The following MCC variants were observed in gnomAD, a reference collection of about 807,000 sequenced individuals.
MCC encodes the protein MCC regulator of Wnt signaling pathway, also known as colorectal mutant cancer protein.
A neutral mutation model predicts 116.2 loss-of-function variants in MCC; 90 were observed. The observed-to-expected ratio is 0.77, with a 90% CI of 0.65 to 0.92. MCC has a LOEUF of 0.92. Ranked by LOEUF, MCC falls within the 40% of genes least tolerant of loss-of-function variation. MCC has a pLI of 0.00. For missense variants in MCC, 1,516 were observed against 1,312.2 expected (o/e 1.16, Z -2.40); for synonymous variants, 578 against 510.5 (o/e 1.13, Z -1.78).
intron 1 of MCC, among the ~76,000 whole-genome samples, chr5:113,483,863 TA>T (rs963838245): frequency 1.5e-4 from 22 of 148,232 alleles, no homozygotes; most frequent in Non-Finnish European, 2.1e-4. Flanking sequence ...TACACAGTCA[TA>T]AAAAAAAAAC....
intron 1 of MCC, among the ~76,000 whole-genome samples, chr5:113,467,189 T>C (rs1771934527): frequency 6.6e-6 from 1 of 152,004 alleles, no homozygotes; most frequent in South Asian, 2.1e-4. Context: ...TTCAGTTTAA[T>C]TAGATCCCAT....
rs145006732 is a variant in MCC, at chr5:113,305,520, T to C, written c.627+34999A>G. Among the ~76,000 whole-genome samples, 12 of 152,332 alleles carry C rather than the reference T, an allele frequency of 7.9e-5. No homozygotes were observed. The East Asian group carries it at 2.3e-3, about 29-fold the overall frequency. On this transcript the variant is annotated intron_variant, in intron 3 of 18. Transcript: ENST00000408903. Reference sequence around the variant, plus strand: ...AATCATAGTTTCCAGTCTAATAAGTTTGGAGTCATTTTCAGTTCCCCTTCC... The same window carrying C: ...AATCATAGTTTCCAGTCTAATAAGTCTGGAGTCATTTTCAGTTCCCCTTCC...
intron 3 of MCC, among the ~76,000 whole-genome samples, chr5:113,290,669 G>C (rs1004836386): frequency 3.9e-5 from 6 of 152,146 alleles, no homozygotes; most frequent in Non-Finnish European, 5.9e-5. Flanking sequence ...GACCAATAGA[G>C]CTAACTGCTG....
At chr5:113,395,327 AT>A (rs1405423517) in intron 1 of MCC, among the ~76,000 whole-genome samples, 23 of 152,220 alleles carry the variant, frequency 1.5e-4, no homozygotes, top group African/African-American at 5.1e-4. Context: ...GTATATATGT[AT>A]GAAAGGAAAA....
intron 6 of MCC, among the ~76,000 whole-genome samples, chr5:113,108,780 A>G (rs1756908011): frequency 6.6e-6 from 1 of 152,142 alleles, no homozygotes; most frequent in Non-Finnish European, 1.5e-5. Context: ...CTTCAAACCA[A>G]TGAGGGCTAC....
rs910285847 is a variant in MCC at position 113,082,734 on chromosome 5, C to T, written c.1784+126G>A. The stretch of plus-strand genomic sequence containing the variant: ...CCAAGGTGGTAGGAACTTCCATCCC[C>T]ACCAGCCTGACGGTACTGCTCTATG... On this transcript the variant is annotated intron_variant, in intron 11 of 18. Transcript: ENST00000408903. 9.4e-6 allele frequency: 11 copies of T among 1,170,618 alleles called. No homozygotes were observed. In the African/African-American group the frequency reaches 1.5e-4, roughly 16 times the overall value. 72.5% of individuals were successfully genotyped at this position (1,170,618 alleles called of 1,614,324 possible).
chr5:113,235,564 A>T (rs1413570794), intron 3 of MCC, among the ~76,000 whole-genome samples: 2 of 152,212 alleles, frequency 1.3e-5, no homozygotes, highest in Non-Finnish European at 2.9e-5. Flanking sequence ...ACACAAATAA[A>T]ATGGTGAATG....
chr5:113,300,062 G>A (rs1240560817), intron 3 of MCC, among the ~76,000 whole-genome samples: 1 of 152,180 alleles, frequency 6.6e-6, no homozygotes, highest in East Asian at 1.9e-4. Flanking sequence ...CCTTTCTGCT[G>A]TTAGAGCAGT....
intron 3 of MCC, among the ~76,000 whole-genome samples, chr5:113,250,437 G>A (rs974073474): frequency 6.6e-6 from 1 of 152,214 alleles, no homozygotes; most frequent in African/African-American, 2.4e-5. Context: ...GGCAGAGCTG[G>A]GGTTAGAACC....
At chr5:113,427,875 CCT>C (rs1247172828) in intron 1 of MCC, among the ~76,000 whole-genome samples, 4 of 152,084 alleles carry the variant, frequency 2.6e-5, no homozygotes, top group African/African-American at 4.8e-5. Context: ...ATCTTCATAA[CCT>C]CTCTGCTAAT....
intron 13 of MCC, among the ~76,000 whole-genome samples, chr5:113,065,572 G>C (rs1475814146): frequency 2.6e-5 from 4 of 152,148 alleles, no homozygotes; most frequent in African/African-American, 7.2e-5. Flanking sequence ...CACACTCAGA[G>C]TCCCACCCTC....
At chr5:113,212,719 C>T (rs1763177556) in intron 3 of MCC, among the ~76,000 whole-genome samples, 2 of 152,144 alleles carry the variant, frequency 1.3e-5, no homozygotes, top group South Asian at 4.1e-4. Context: ...ATTCACTCCC[C>T]AACACCTAAA....
chr5:113,385,898 C>A (rs1769243113), intron 1 of MCC, among the ~76,000 whole-genome samples: 1 of 152,018 alleles, frequency 6.6e-6, no homozygotes, highest in Admixed American at 6.5e-5. Context: ...GATAAGAGGG[C>A]TTGGTGGGGT....
intron 3 of MCC, among the ~76,000 whole-genome samples, chr5:113,225,572 T>TTAA (rs1267932479): frequency 6.6e-6 from 1 of 152,186 alleles, no homozygotes; most frequent in Admixed American, 6.5e-5. Flanking sequence ...CAGCCTGAAC[T>TTAA]TAAAGAGTAC....
intron 3 of MCC, chr5:113,294,987 C>T (rs1027707064): frequency 2.5e-5 from 25 of 984,584 alleles, no homozygotes; most frequent in Non-Finnish European, 2.9e-5. Context: ...CCACGGGGTG[C>T]GCGGAGGAGG....
chr5:113,262,703 A>G (rs1161389443), intron 3 of MCC, among the ~76,000 whole-genome samples: 1 of 152,186 alleles, frequency 6.6e-6, no homozygotes, highest in African/African-American at 2.4e-5. Flanking sequence ...GGACTAAACA[A>G]GTGATTCTCA....
At chr5:113,049,698 A>G (rs756506495) in intron 15 of MCC, among the ~76,000 whole-genome samples, 8 of 152,208 alleles carry the variant, frequency 5.3e-5, no homozygotes, top group Non-Finnish European at 8.8e-5. Context: ...TCACCTATCC[A>G]TGGAAGGCCT....
At chr5:113,032,495 CAT>C (rs1396363775) in intron 17 of MCC, among the ~76,000 whole-genome samples, 1 of 150,308 alleles carries the variant, frequency 6.7e-6, no homozygotes, top group Admixed American at 6.6e-5. Flanking sequence ...AAATTAATTT[CAT>C]GTGTGTCTCT....
intron 3 of MCC, among the ~76,000 whole-genome samples, chr5:113,152,165 A>AT (rs1385770229): frequency 6.6e-6 from 1 of 152,178 alleles, no homozygotes; most frequent in East Asian, 1.9e-4. Context: ...CTGGAGTTAG[A>AT]AAGAATGTTC....
Sources: gnomAD v4.1 joint callset for allele counts (sites outside exome capture counted in the v4.1 genomes callset) on GRCh38, gnomAD v4.1.1 for gene constraint, MANE v1.5 for transcripts, NCBI Gene and HGNC (gene_info 2026-07-23, HGNC 2026-07-21) for gene names.